The following SHOC2 variants were observed in gnomAD, a reference collection of about 807,000 sequenced individuals.
SHOC2 encodes the protein leucine-rich repeat protein SHOC-2.
SHOC2 carries 4 observed loss-of-function variants against 50.2 expected under a neutral mutation model. That is an observed-to-expected ratio of 0.08 (90% CI 0.04 to 0.18). The LOEUF (loss-of-function observed/expected upper bound fraction) is 0.18. Among genes scored for constraint, SHOC2 ranks in the 10% least tolerant of loss-of-function variants. SHOC2 has a pLI of 1.00. For missense variants in SHOC2, 388 were observed against 669.6 expected (o/e 0.58, Z 4.64); for synonymous variants, 218 against 244.5 (o/e 0.89, Z 1.01).
chr10:110,999,736 CAAAAAAAAAAAAAA>C lies in SHOC2; in HGVS notation c.842-669_842-656del, dbSNP rs145780250. Among the ~76,000 whole-genome samples the C allele has an allele frequency of 3.4e-3, 275 of 81,724 alleles. 3 individuals carry two copies. Among genetic ancestry groups the C allele is most frequent in the African/African-American group, 0.014 (267 of 18,936 alleles). The allele number at this position is 81,724 out of a possible 152,430, so 53.6% of individuals were successfully genotyped here. A position where few individuals can be genotyped will look rare whatever the true frequency, so the allele number is the denominator to read the frequency against. Reference sequence around the variant, plus strand: ...TGGGTGATAGAGTGAGACTCAGTCTCAAAAAAAAAAAAAAAAAAAAAAAGAAAGAAAAGAAAAGA... The same window carrying C: ...TGGGTGATAGAGTGAGACTCAGTCTCAAAAAAAAAGAAAGAAAAGAAAAGA... On this transcript the variant is annotated intron_variant, in intron 3 of 8. Transcript: ENST00000369452.
At chr10:110,992,825 C>T (rs763109215) in intron 3 of SHOC2, among the ~76,000 whole-genome samples, 1 of 152,058 alleles carries the variant, frequency 6.6e-6, no homozygotes. Flanking sequence ...TTTCAGTTTG[C>T]TTTCAGTTTA....
At chr10:110,931,995 A>G (rs148287527) in intron 1 of SHOC2, among the ~76,000 whole-genome samples, 93 of 152,296 alleles carry the variant, frequency 6.1e-4, no homozygotes, top group African/African-American at 2.2e-3. Flanking sequence ...AAGTGGGAAC[A>G]CAGAGGAGGT....
intron 2 of SHOC2, among the ~76,000 whole-genome samples, chr10:110,973,336 C>T (rs1016237542): frequency 2.0e-5 from 3 of 151,956 alleles, no homozygotes; most frequent in Non-Finnish European, 2.9e-5. Flanking sequence ...AGTTTATAAC[C>T]GTGAAACAAA....
At chr10:110,979,478 A>C (rs1365183383) in intron 2 of SHOC2, among the ~76,000 whole-genome samples, 3 of 152,208 alleles carry the variant, frequency 2.0e-5, no homozygotes, top group African/African-American at 7.2e-5. Flanking sequence ...AGGCAGGGCC[A>C]TTGGGGGTTA....
chr10:110,957,405 G>A (rs551467573), intron 1 of SHOC2, among the ~76,000 whole-genome samples: 10 of 151,968 alleles, frequency 6.6e-5, no homozygotes, highest in Non-Finnish European at 1.2e-4. Flanking sequence ...TTTAATGCTC[G>A]TCTGTTATAC....
chr10:111,007,369 G>A (rs1182233039), intron 5 of SHOC2, among the ~76,000 whole-genome samples, 162 bp from the exon 6 acceptor site: 1 of 152,092 alleles, frequency 6.6e-6, no homozygotes, highest in African/African-American at 2.4e-5. Context: ...AACTTTGGAG[G>A]CTTAGAGTTT....
Position 110,945,101 on chromosome 10 carries a change from A to G in SHOC2, c.-234-19024A>G, listed in dbSNP as rs1590789565. Among the ~76,000 whole-genome samples, 4 of 152,310 alleles carry G rather than the reference A, an allele frequency of 2.6e-5. No homozygotes were observed. The South Asian group carries it at 8.3e-4, about 32-fold the overall frequency. The stretch of plus-strand genomic sequence containing the variant: ...TTCATTCTCAGCTTTTCCTTTTAAG[A>G]TTTAAGTCTGTTGCTCCAACTGTTA... On this transcript the variant is annotated intron_variant, in intron 1 of 8. Transcript: ENST00000369452.
intron 1 of SHOC2, among the ~76,000 whole-genome samples, chr10:110,932,709 C>T (rs748102217): frequency 6.6e-6 from 1 of 152,122 alleles, no homozygotes; most frequent in Non-Finnish European, 1.5e-5. Context: ...CAGGTGCCTT[C>T]CCTTTGTGCT....
In SHOC2 at chr10:110,964,751, C is replaced by T; in HGVS notation, c.393C>T (p.Tyr131=). ...ELTQLTELYL[Y]SNKLQSLPAE... Reference sequence around the variant, plus strand: ...CTCAATTAACAGAACTTTATTTATACAGTAACAAATTGCAGTCCCTCCCAG... The same window carrying T: ...CTCAATTAACAGAACTTTATTTATATAGTAACAAATTGCAGTCCCTCCCAG... Residue 131 remains tyrosine (Y), a synonymous_variant, in exon 2 of 9, where the codon TAC becomes TAT. Coordinates refer to ENST00000369452, the MANE Select transcript of SHOC2 (RefSeq NM_007373.4). The surrounding 1 kb of genome is among the most constrained non-coding windows in gnomAD (Gnocchi z 4.9). 3 of 1,613,988 alleles carry T rather than the reference C, an allele frequency of 1.9e-6. No individual in the cohort carries two copies. In the East Asian group the frequency reaches 6.7e-5, roughly 36 times the overall value.
intron 2 of SHOC2, among the ~76,000 whole-genome samples, chr10:110,967,734 T>TA (rs1847703411): frequency 1.3e-5 from 2 of 152,166 alleles, no homozygotes; most frequent in Admixed American, 1.3e-4. Context: ...TGTGGTCTCT[T>TA]ACGACAGGTT....
chr10:110,973,051 A>G (rs1008090248), intron 2 of SHOC2, among the ~76,000 whole-genome samples: 2 of 152,216 alleles, frequency 1.3e-5, no homozygotes, highest in African/African-American at 4.8e-5. Context: ...AGAGCCCCTG[A>G]AGTCGTCTTT....
chr10:111,010,974 C>T (rs939455416), intron 8 of SHOC2, among the ~76,000 whole-genome samples: 1 of 152,154 alleles, frequency 6.6e-6, no homozygotes, highest in African/African-American at 2.4e-5. Context: ...GGCAAATTTA[C>T]ACCTATATTT....
chr10:110,979,291 G>T (rs572015914), intron 2 of SHOC2, among the ~76,000 whole-genome samples: 1 of 152,206 alleles, frequency 6.6e-6, no homozygotes, highest in Non-Finnish European at 1.5e-5. Context: ...TTATCAAAGC[G>T]TGTAAGCTAA....
intron 2 of SHOC2, among the ~76,000 whole-genome samples, chr10:110,971,911 A>C (rs1181774754): frequency 6.6e-6 from 1 of 151,860 alleles, no homozygotes; most frequent in Non-Finnish European, 1.5e-5. Flanking sequence ...TGACACATAC[A>C]TGTGTATATA....
chr10:110,981,685 G>T (rs1198999289), intron 2 of SHOC2, among the ~76,000 whole-genome samples: 1 of 152,020 alleles, frequency 6.6e-6, no homozygotes, highest in Non-Finnish European at 1.5e-5. Flanking sequence ...AGTTTTCCTT[G>T]TATGAATCAT....
rs114770624 is a variant in SHOC2, at chr10:111,011,223, A to G, written c.1541-387A>G. ...AGAAAAGTGGTTATAGACATTGAAT[A>G]TATAATAAGCTCACCTTTGGAGTTT... On this transcript the variant is annotated intron_variant, in intron 8 of 8. Transcript: ENST00000369452. 5.7e-3 allele frequency among the ~76,000 whole-genome samples: 869 copies of G among 152,346 alleles called. 10 individuals are homozygous for G. Among genetic ancestry groups the G allele is most frequent in the African/African-American group, 0.018 (758 of 41,580 alleles).
chr10:110,995,919 C>T (rs994035516), intron 3 of SHOC2, among the ~76,000 whole-genome samples: 2 of 152,180 alleles, frequency 1.3e-5, no homozygotes, highest in Admixed American at 6.5e-5. Flanking sequence ...TTAACTTTTT[C>T]ACTTTCTTTA....
intron 2 of SHOC2, among the ~76,000 whole-genome samples, chr10:110,984,905 T>G (rs867902958): frequency 2.0e-5 from 3 of 152,154 alleles, no homozygotes; most frequent in Non-Finnish European, 4.4e-5. Flanking sequence ...TAGCTCACAA[T>G]CAACTTGAAC....
At chr10:110,944,598 A>G (rs952577861) in intron 1 of SHOC2, among the ~76,000 whole-genome samples, 3 of 152,220 alleles carry the variant, frequency 2.0e-5, no homozygotes, top group African/African-American at 7.2e-5. Flanking sequence ...AATAATATAA[A>G]AATGTCCAAA....
Sources: allele counts gnomAD v4.1 joint callset (sites outside exome capture counted in the v4.1 genomes callset), GRCh38; gene constraint gnomAD v4.1.1; non-coding constraint Gnocchi (gnomAD v3.1); transcripts MANE v1.5; gene names NCBI Gene and HGNC (gene_info 2026-07-23, HGNC 2026-07-21).